SH3BGRL: variants seen among roughly 807,000 people sequenced by gnomAD.
SH3BGRL encodes the protein adapter SH3BGRL.
Under a neutral mutation model 9.8 loss-of-function variants are expected in SH3BGRL, and 7 were observed. The ratio of observed to expected loss-of-function variants is 0.72; its 90% CI spans 0.41 to 1.35. The LOEUF (loss-of-function observed/expected upper bound fraction) is 1.35, where lower values mean the gene tolerates loss of function less well. Among genes scored for constraint, SH3BGRL ranks in the 40% most tolerant of loss-of-function variants. The pLI is 0.01. For synonymous variants in SH3BGRL, 36 were observed against 29.1 expected (o/e 1.24, Z -0.76); for missense variants, 73 against 84.4 (o/e 0.86, Z 0.53).
chrX:81,296,656 C>T (rs1024594878), intron 3 of SH3BGRL, among the ~76,000 whole-genome samples: 1 of 111,380 alleles, frequency 9.0e-6, no homozygotes, highest in African/African-American at 3.3e-5. Context: ...ACAAACTTTC[C>T]TTGAAGTTTA....
chrX:81,276,562 T>G (rs2075798768), intron 1 of SH3BGRL, among the ~76,000 whole-genome samples: 1 of 111,254 alleles, frequency 9.0e-6, no homozygotes, highest in Non-Finnish European at 1.9e-5. Flanking sequence ...TTCTATTGCA[T>G]ATACAATTCT....
chrX:81,254,312 C>A (rs961748848), intron 1 of SH3BGRL, among the ~76,000 whole-genome samples: 4 of 111,521 alleles, frequency 3.6e-5, no homozygotes, highest in Non-Finnish European at 7.5e-5. Context: ...TAATATATGG[C>A]AGTTGTTCTC....
intron 1 of SH3BGRL, among the ~76,000 whole-genome samples, chrX:81,262,059 A>G (rs1174609250): frequency 9.0e-6 from 1 of 111,336 alleles, no homozygotes; most frequent in African/African-American, 3.3e-5. Context: ...AGACTGATGT[A>G]TATTACTTTT....
intron 1 of SH3BGRL, among the ~76,000 whole-genome samples, chrX:81,270,052 G>A (rs1204645801): frequency 9.1e-6 from 1 of 110,265 alleles, no homozygotes; most frequent in Non-Finnish European, 1.9e-5. Flanking sequence ...TTCTTGTTCT[G>A]TGGTTTTCAG....
intron 1 of SH3BGRL, among the ~76,000 whole-genome samples, chrX:81,208,093 A>T (rs894319088): frequency 3.6e-5 from 4 of 110,701 alleles, no homozygotes; most frequent in Non-Finnish European, 7.6e-5. Context: ...CGTCTCTACT[A>T]AAAATACAAA....
intron 1 of SH3BGRL, among the ~76,000 whole-genome samples, chrX:81,226,650 C>G (rs775923094): frequency 1.2e-3 from 123 of 100,848 alleles, no homozygotes; most frequent in Non-Finnish European, 2.0e-3. Context: ...TAAGGTGGGC[C>G]CTAAATGTAA....
In SH3BGRL at chrX:81,297,256, GA is replaced by G. The variant is rs1569373359; in HGVS notation, c.*34del. The stretch of plus-strand genomic sequence containing the variant: ...TTAAGCACTGTGCTTTAAGCATCCT[GA>G]AAAATGAGTCTCCATTGCTTTTATA... On this transcript the variant is annotated 3_prime_UTR_variant, in exon 4 of 4. Transcript: ENST00000373212. 8.7e-7 allele frequency: 1 copy of G among 1,149,621 alleles called. No individual in the cohort carries two copies. The highest frequency in any genetic ancestry group is 1.2e-6 in the Non-Finnish European group (1 of 844,997). 94.7% of individuals were successfully genotyped at this position (1,149,621 alleles called of 1,213,427 possible).
intron 1 of SH3BGRL, among the ~76,000 whole-genome samples, chrX:81,244,290 A>G (rs975586311): frequency 8.9e-6 from 1 of 111,886 alleles, no homozygotes; most frequent in Admixed American, 9.5e-5. Context: ...ATGTTCATGC[A>G]GTTGTCTCTG....
intron 1 of SH3BGRL, among the ~76,000 whole-genome samples, chrX:81,256,139 TG>T (rs1359650169): frequency 8.9e-6 from 1 of 112,272 alleles, no homozygotes; most frequent in East Asian, 2.8e-4. Context: ...ATTTTCACAG[TG>T]AACACTAGCT....
intron 1 of SH3BGRL, among the ~76,000 whole-genome samples, chrX:81,219,480 C>T (rs932553761): frequency 1.8e-5 from 2 of 111,313 alleles, no homozygotes; most frequent in African/African-American, 6.5e-5. Flanking sequence ...TATCCTGCAA[C>T]TGTACATAAT....
chrX:81,294,652 G>A (rs772692942), intron 3 of SH3BGRL, among the ~76,000 whole-genome samples: 7 of 111,208 alleles, frequency 6.3e-5, no homozygotes, highest in Admixed American at 9.6e-5. Context: ...AGTCCCTACC[G>A]GGGCACCGCC....
intron 1 of SH3BGRL, among the ~76,000 whole-genome samples, chrX:81,263,275 G>T (rs1421845723): frequency 1.8e-5 from 2 of 111,624 alleles, no homozygotes. Context: ...AGATGAAGCT[G>T]GGCCTCATTA....
intron 1 of SH3BGRL, among the ~76,000 whole-genome samples, chrX:81,204,678 T>C (rs939885478): frequency 1.8e-5 from 2 of 110,489 alleles, no homozygotes; most frequent in Non-Finnish European, 3.8e-5. Context: ...CAATGTTAAC[T>C]TATTATGGTG....
intron 1 of SH3BGRL, among the ~76,000 whole-genome samples, chrX:81,243,108 A>G (rs932865159): frequency 8.9e-6 from 1 of 112,472 alleles, no homozygotes; most frequent in Admixed American, 9.4e-5. Flanking sequence ...TGTAGCATTC[A>G]CAATAGGTAA....
chrX:81,226,197 C>T (rs1372645292), intron 1 of SH3BGRL, among the ~76,000 whole-genome samples: 1 of 110,653 alleles, frequency 9.0e-6, no homozygotes, highest in East Asian at 2.8e-4. Flanking sequence ...TTTCTAACAT[C>T]TACCCAGTGG....
At chrX:81,285,856 A>G (rs1434474209) in intron 3 of SH3BGRL, among the ~76,000 whole-genome samples, 1 of 112,026 alleles carries the variant, frequency 8.9e-6, no homozygotes, top group Non-Finnish European at 1.9e-5. Context: ...TTTAAAATGT[A>G]TGGATAGGAC....
intron 1 of SH3BGRL, among the ~76,000 whole-genome samples, chrX:81,210,348 C>A (rs1209160089): frequency 9.0e-6 from 1 of 110,870 alleles, no homozygotes; most frequent in Non-Finnish European, 1.9e-5. Flanking sequence ...GGAGACCGTT[C>A]TCTTCAGTAT....
intron 1 of SH3BGRL, among the ~76,000 whole-genome samples, chrX:81,248,557 A>G (rs1327043795): frequency 8.9e-6 from 1 of 112,219 alleles, no homozygotes; most frequent in Admixed American, 9.4e-5. Context: ...CTGCTGAGGC[A>G]CTTTTCACAG....
intron 3 of SH3BGRL, among the ~76,000 whole-genome samples, chrX:81,287,708 G>C (rs143671017): frequency 9.1e-6 from 1 of 110,053 alleles, no homozygotes; most frequent in African/African-American, 3.3e-5. Flanking sequence ...TATAGGTGAC[G>C]GGTTGACGGG....
Sources: gnomAD v4.1 joint callset for allele counts (sites outside exome capture counted in the v4.1 genomes callset) on GRCh38, gnomAD v4.1.1 for gene constraint, MANE v1.5 for transcripts, NCBI Gene and HGNC (gene_info 2026-07-23, HGNC 2026-07-21) for gene names.